The following PCDHGB1 variants were observed in gnomAD, a reference collection of about 807,000 sequenced individuals.
PCDHGB1 encodes protocadherin gamma-B1.
A neutral mutation model predicts 56.6 loss-of-function variants in PCDHGB1; 34 were observed. That is an observed-to-expected ratio of 0.60 (90% CI 0.46 to 0.80). The LOEUF (loss-of-function observed/expected upper bound fraction) is 0.80, where lower values mean the gene tolerates loss of function less well. PCDHGB1 is among the 30% of genes least tolerant of loss of function. PCDHGB1 has a pLI of 0.00. For synonymous variants in PCDHGB1, 561 were observed against 505.9 expected (o/e 1.11, Z -1.46); for missense variants, 1,278 against 1,204.6 (o/e 1.06, Z -0.90).
At position 141,487,780 on chromosome 5, in the gene PCDHGB1, C is replaced by T. The variant is rs1423149; in HGVS notation, c.2410-7027C>T. On this transcript the variant is annotated intron_variant, in intron 1 of 3. Transcript: ENST00000523390. The surrounding 1 kb of genome is among the most constrained non-coding windows in gnomAD (Gnocchi z 5.0). ...TAGACGCTGTGCTTTGTAACTGTTT[C>T]GTGAATTAACCAGAGTTGTCACAGT... 0.06 allele frequency: 91,434 copies of T among 1,526,176 alleles called. 5,728 individuals carry two copies. Among genetic ancestry groups the T allele is most frequent in the African/African-American group, 0.33 (23,789 of 72,466 alleles). The allele number at this position is 1,526,176 out of a possible 1,614,324, so 94.5% of individuals were successfully genotyped here. A position where few individuals can be genotyped will look rare whatever the true frequency, so the allele number is the denominator to read the frequency against.
intron 1 of PCDHGB1, chr5:141,433,049 C>A (rs1418118305): frequency 6.2e-7 from 1 of 1,614,110 alleles, no homozygotes; most frequent in Admixed American, 1.7e-5. Flanking sequence ...CACGGACTCG[C>A]GGAAGAGTCA....
At chr5:141,442,309 G>C (rs1483682583) in intron 1 of PCDHGB1, 1 of 152,418 alleles carries the variant, frequency 6.6e-6, no homozygotes, top group Non-Finnish European at 1.5e-5. Flanking sequence ...TCTTTCCCAC[G>C]GATGTCTATC....
intron 1 of PCDHGB1, chr5:141,357,355 T>C: frequency 1.2e-6 from 2 of 1,614,154 alleles, no homozygotes; most frequent in Non-Finnish European, 1.7e-6. Context: ...GCTGAGACGC[T>C]GGCACAAGTC....
chr5:141,449,078 C>T (rs1342751417), intron 1 of PCDHGB1, among the ~76,000 whole-genome samples: 1 of 152,052 alleles, frequency 6.6e-6, no homozygotes, highest in Non-Finnish European at 1.5e-5. Flanking sequence ...AGCCCTGTAC[C>T]TACATCAGTT....
intron 1 of PCDHGB1, among the ~76,000 whole-genome samples, chr5:141,449,753 C>T (rs1260240861): frequency 6.6e-6 from 1 of 151,246 alleles, no homozygotes; most frequent in East Asian, 1.9e-4. Context: ...ATTTTTATGA[C>T]ATTTGAGAGT....
At chr5:141,369,342 T>C (rs922060609) in intron 1 of PCDHGB1, among the ~76,000 whole-genome samples, 8 of 152,174 alleles carry the variant, frequency 5.3e-5, no homozygotes, top group African/African-American at 1.9e-4. Context: ...TTCAGGACAA[T>C]TGTGATGTAG....
intron 1 of PCDHGB1, chr5:141,356,772 G>T: frequency 6.2e-7 from 1 of 1,614,022 alleles, no homozygotes; most frequent in Non-Finnish European, 8.5e-7. Context: ...ACTATGAGCA[G>T]TTTAGAGACC....
rs2099427993 is a variant in PCDHGB1, at chr5:141,477,978, T to C, written c.2410-16829T>C. Reference sequence around the variant, plus strand: ...TCCCCTAACCAGAGCCTTTTTGCCATAGGGCTGCACACTGGTCAAATCAGT... The same window carrying C: ...TCCCCTAACCAGAGCCTTTTTGCCACAGGGCTGCACACTGGTCAAATCAGT... On this transcript the variant is annotated intron_variant, in intron 1 of 3. Coordinates refer to ENST00000523390, the MANE Select transcript of PCDHGB1 (RefSeq NM_018922.3). This position sits in a 1 kb window ranked among gnomAD's most constrained non-coding sequence, Gnocchi z 4.9. 6.2e-7 allele frequency: 1 copy of C among 1,614,120 alleles called. No individual in the cohort carries two copies. Among genetic ancestry groups the C allele is most frequent in the Non-Finnish European group, 8.5e-7 (1 of 1,180,022 alleles).
At chr5:141,374,589 G>T (rs1385892757) in intron 1 of PCDHGB1, 1 of 1,613,558 alleles carries the variant, frequency 6.2e-7, no homozygotes, top group Admixed American at 1.7e-5. Context: ...TCCCTTCAGG[G>T]ATTTAAGCTC....
chr5:141,422,938 G>A (rs1226350240), intron 1 of PCDHGB1: 2 of 1,614,116 alleles, frequency 1.2e-6, no homozygotes, highest in Non-Finnish European at 1.7e-6. Flanking sequence ...CCTCCCCACA[G>A]ACGGCTCCAC....
rs994740663 is a variant in PCDHGB1, at chr5:141,477,022, G to T, written c.2410-17785G>T. ...TATTCGCCTTAGACCTTGTAACCGG[G>T]ATGCTGACAATCAAGGGTCGGCTGG... On this transcript the variant is annotated intron_variant, in intron 1 of 3. Transcript: ENST00000523390. The surrounding 1 kb of genome is among the most constrained non-coding windows in gnomAD (Gnocchi z 4.9). 6.2e-7 allele frequency: 1 copy of T among 1,614,240 alleles called. No homozygotes were observed. Among genetic ancestry groups the T allele is most frequent in the African/African-American group, 1.3e-5 (1 of 75,074 alleles).
At chr5:141,374,220 G>A (rs775122429) in intron 1 of PCDHGB1, 1 of 1,613,984 alleles carries the variant, frequency 6.2e-7, no homozygotes, top group Non-Finnish European at 8.5e-7. Context: ...TCCTTCGTAG[G>A]CAACATCGTC....
chr5:141,452,844 C>T (rs1239022315), intron 1 of PCDHGB1, among the ~76,000 whole-genome samples: 1 of 152,204 alleles, frequency 6.6e-6, no homozygotes, highest in Non-Finnish European at 1.5e-5. Context: ...CCAGCCCACA[C>T]TCTGGGGAGA....
In PCDHGB1 at chr5:141,489,993, C is replaced by A; in HGVS notation, c.2410-4814C>A. 6.2e-7 allele frequency: 1 copy of A among 1,614,186 alleles called. No individual in the cohort carries two copies. The highest frequency in any genetic ancestry group is 1.1e-5 in the South Asian group (1 of 91,088). On this transcript the variant is annotated intron_variant, in intron 1 of 3. Transcript: ENST00000523390. The surrounding 1 kb of genome is among the most constrained non-coding windows in gnomAD (Gnocchi z 4.5). ...AATCCTCAGTTCTACGTGTGGGAATCCCAGAGAATGCACCCATTGGTACTC... is the reference window on the plus strand; with the variant it reads ...AATCCTCAGTTCTACGTGTGGGAATACCAGAGAATGCACCCATTGGTACTC...
At chr5:141,362,228 T>C in intron 1 of PCDHGB1, 2 of 1,614,028 alleles carry the variant, frequency 1.2e-6, no homozygotes, top group African/African-American at 1.3e-5. Context: ...GCCTTGGCCT[T>C]GATCTCAGTG....
intron 1 of PCDHGB1, chr5:141,356,899 T>C: frequency 6.2e-7 from 1 of 1,614,188 alleles, no homozygotes; most frequent in African/African-American, 1.3e-5. Context: ...GTACCCCACC[T>C]TCCCTACTGA....
At chr5:141,357,238 C>T (rs1377383542) in intron 1 of PCDHGB1, 1 of 1,613,756 alleles carries the variant, frequency 6.2e-7, no homozygotes, top group African/African-American at 1.3e-5. Flanking sequence ...CAGCCTCAAG[C>T]CTTCAGCAGA....
intron 1 of PCDHGB1, chr5:141,416,504 C>G (rs966090979): frequency 1.3e-5 from 2 of 152,040 alleles, no homozygotes; most frequent in African/African-American, 4.8e-5. Flanking sequence ...AGATATATGA[C>G]AAAGCTATTT....
intron 2 of PCDHGB1, 179 bp downstream of exon 2, chr5:141,495,044 T>C (rs2099758475): frequency 1.1e-6 from 1 of 944,572 alleles, no homozygotes; most frequent in Non-Finnish European, 1.3e-6. Flanking sequence ...AAGAGGCGAC[T>C]GCCCTGACTG....
Sources: allele counts gnomAD v4.1 joint callset (sites outside exome capture counted in the v4.1 genomes callset), GRCh38; gene constraint gnomAD v4.1.1; non-coding constraint Gnocchi (gnomAD v3.1); transcripts MANE v1.5; gene names NCBI Gene and HGNC (gene_info 2026-07-23, HGNC 2026-07-21).